The following ODAD2 variants were observed in gnomAD, a reference collection of about 807,000 sequenced individuals.
The protein encoded by ODAD2 is outer dynein arm-docking complex subunit 2.
Under a neutral mutation model 106.8 loss-of-function variants are expected in ODAD2, and 89 were observed. That is an observed-to-expected ratio of 0.83 (90% CI 0.70 to 0.99). The LOEUF (loss-of-function observed/expected upper bound fraction) is 0.99. Ranked by LOEUF, ODAD2 falls within the 50% of genes least tolerant of loss-of-function variation. ODAD2 has a pLI of 0.00. For missense variants in ODAD2, 1,168 were observed against 1,238.5 expected (o/e 0.94, Z 0.85); for synonymous variants, 404 against 436.2 (o/e 0.93, Z 0.92).
intron 17 of ODAD2, among the ~76,000 whole-genome samples, chr10:27,904,027 T>G (rs1843404821): frequency 6.6e-6 from 1 of 152,364 alleles, no homozygotes; most frequent in East Asian, 1.9e-4. Flanking sequence ...AAAAAGGGTA[T>G]ATGCAGACAA....
chr10:27,909,600 T>A lies in ODAD2; in HGVS notation c.2496-1823A>T, dbSNP rs149949342. Among the ~76,000 whole-genome samples the A allele has an allele frequency of 7.0e-3, 1,069 of 151,972 alleles. 18 individuals carry two copies. Among genetic ancestry groups the A allele is most frequent in the African/African-American group, 0.024 (1,007 of 41,452 alleles). ...TGAGAGGCGAAGGCAGGCAGATCAC[T>A]TGAGGTCAGGAGTTCAAGACCAGCC... On this transcript the variant is annotated intron_variant, in intron 16 of 19. Transcript: ENST00000305242.
At chr10:27,985,988 T>C (rs1412423965) in intron 3 of ODAD2, among the ~76,000 whole-genome samples, 1 of 152,100 alleles carries the variant, frequency 6.6e-6, no homozygotes, top group Non-Finnish European at 1.5e-5. Context: ...GATGAAAATA[T>C]GTATGCATTG....
chr10:27,992,866 AAACAATC>A (rs1349213386), intron 2 of ODAD2, among the ~76,000 whole-genome samples: 1 of 152,202 alleles, frequency 6.6e-6, no homozygotes, highest in Non-Finnish European at 1.5e-5. Context: ...TACAAAGGCA[AAACAATC>A]ATGATATTCT....
chr10:27,931,930 A>G (rs1845643377), intron 16 of ODAD2, among the ~76,000 whole-genome samples: 1 of 151,872 alleles, frequency 6.6e-6, no homozygotes, highest in African/African-American at 2.4e-5. Flanking sequence ...GAAAATATAA[A>G]TCAAAAGTGC....
chr10:27,985,491 T>A (rs989346745), intron 3 of ODAD2, among the ~76,000 whole-genome samples: 2 of 152,248 alleles, frequency 1.3e-5, no homozygotes, highest in Non-Finnish European at 2.9e-5. Flanking sequence ...CTTTCTTTTT[T>A]AATTGGCCGT....
intron 12 of ODAD2, among the ~76,000 whole-genome samples, chr10:27,943,316 A>ATTT (rs1490094067): frequency 6.6e-6 from 1 of 152,316 alleles, no homozygotes; most frequent in East Asian, 1.9e-4. Context: ...AAATGCAGGC[A>ATTT]GAAAAATCAG....
intron 10 of ODAD2, among the ~76,000 whole-genome samples, chr10:27,950,527 A>C (rs1847257116): frequency 6.6e-6 from 1 of 152,144 alleles, no homozygotes; most frequent in Admixed American, 6.6e-5. Flanking sequence ...AGCTGCTAAG[A>C]ATGTTTTATC....
At chr10:27,983,146 G>A (rs1333765363) in intron 6 of ODAD2, among the ~76,000 whole-genome samples, 1 of 152,174 alleles carries the variant, frequency 6.6e-6, no homozygotes, top group African/African-American at 2.4e-5. Context: ...CCAGTTTCCA[G>A]GTTTGTTGAT....
At chr10:27,928,791 G>A (rs760466034) in intron 16 of ODAD2, among the ~76,000 whole-genome samples, 39 of 151,762 alleles carry the variant, frequency 2.6e-4, no homozygotes, top group African/African-American at 3.4e-4. Context: ...TATTTCTACC[G>A]CAACAATACT....
intron 16 of ODAD2, among the ~76,000 whole-genome samples, chr10:27,928,251 C>A (rs140546485): frequency 1.3e-5 from 2 of 152,054 alleles, no homozygotes; most frequent in Admixed American, 1.3e-4. Context: ...GCCAGCAAAC[C>A]GAACATCATC....
intron 9 of ODAD2, among the ~76,000 whole-genome samples, chr10:27,962,521 T>C (rs1848207415): frequency 6.6e-6 from 1 of 152,172 alleles, no homozygotes; most frequent in African/African-American, 2.4e-5. Context: ...CTGAAGTACT[T>C]GCAAGGGCAC....
chr10:27,915,216 A>G (rs1180437348), intron 16 of ODAD2, among the ~76,000 whole-genome samples: 3 of 152,178 alleles, frequency 2.0e-5, no homozygotes, highest in Non-Finnish European at 2.9e-5. Context: ...AACCAAAGAA[A>G]AAAAATGCAT....
chr10:27,899,543 C>T (rs575090308), intron 17 of ODAD2, among the ~76,000 whole-genome samples: 2 of 151,062 alleles, frequency 1.3e-5, no homozygotes, highest in African/African-American at 2.4e-5. Flanking sequence ...CCCACGGAGC[C>T]CAGCAAGCTA....
At chr10:27,818,022 C>T (rs1000483639) in intron 19 of ODAD2, among the ~76,000 whole-genome samples, 9 of 151,670 alleles carry the variant, frequency 5.9e-5, no homozygotes, top group Non-Finnish European at 7.4e-5. Context: ...ACCATGGTAA[C>T]CTTTGTTATC....
At chr10:27,885,277 C>T (rs1371938906) in intron 17 of ODAD2, among the ~76,000 whole-genome samples, 8 of 150,202 alleles carry the variant, frequency 5.3e-5, no homozygotes, top group Admixed American at 4.7e-4. Flanking sequence ...TTTGGGAGGT[C>T]GAGGTGGGCA....
chr10:27,818,599 G>A (rs757084845), intron 19 of ODAD2, among the ~76,000 whole-genome samples: 4 of 152,088 alleles, frequency 2.6e-5, no homozygotes, highest in South Asian at 2.1e-4. Flanking sequence ...ATTTCCATAC[G>A]CAAATGAGAT....
At chr10:27,921,836 A>AT (rs1393127977) in intron 16 of ODAD2, among the ~76,000 whole-genome samples, 4 of 140,374 alleles carry the variant, frequency 2.8e-5, no homozygotes, top group Non-Finnish European at 6.1e-5. Context: ...GCAGTATTTT[A>AT]TTTTTTTTTT....
chr10:27,944,719 GA>G (rs1846748612), intron 11 of ODAD2, 96 bp downstream of exon 11: 1 of 1,447,262 alleles, frequency 6.9e-7, no homozygotes, highest in African/African-American at 1.4e-5. Flanking sequence ...ATAAAGACAA[GA>G]ACCAGGCAAC....
chr10:27,923,580 T>C (rs77371675), intron 16 of ODAD2, among the ~76,000 whole-genome samples: 3,358 of 152,152 alleles, frequency 0.022, 99 homozygotes, highest in African/African-American at 0.067. Context: ...CACAAAATAA[T>C]AAGATAGAAG....
Sources: allele counts gnomAD v4.1 joint callset (sites outside exome capture counted in the v4.1 genomes callset), GRCh38; gene constraint gnomAD v4.1.1; transcripts MANE v1.5; gene names NCBI Gene and HGNC (gene_info 2026-07-23, HGNC 2026-07-21).